The following BANP variants were observed in gnomAD, a reference collection of about 807,000 sequenced individuals.
The protein encoded by BANP is protein BANP.
A neutral mutation model predicts 68.1 loss-of-function variants in BANP; 11 were observed. That is an observed-to-expected ratio of 0.16 (90% CI 0.10 to 0.27). BANP has a LOEUF of 0.27. Ranked by LOEUF, BANP falls within the 10% of genes least tolerant of loss-of-function variation. The pLI is 1.00. For missense variants in BANP, 504 were observed against 722.7 expected, an observed-to-expected ratio of 0.70 and a Z score of 3.47; for synonymous variants, 329 against 303.2, an observed-to-expected ratio of 1.09 and a Z score of -0.88.
intron 2 of BANP, chr16:87,980,598 A>G (rs1338957771): frequency 5.0e-6 from 1 of 201,264 alleles, no homozygotes. Flanking sequence ...TGTGATATTC[A>G]GTGTATTTTT....
intron 6 of BANP, among the ~76,000 whole-genome samples, chr16:88,013,072 T>C (rs78903779): frequency 0.076 from 11,636 of 152,314 alleles, 610 homozygotes; most frequent in East Asian, 0.18. Context: ...TCTTTGAGGA[T>C]CGGCAGCTTT....
chr16:88,020,078 G>A (rs993063744), intron 7 of BANP, among the ~76,000 whole-genome samples: 7 of 152,196 alleles, frequency 4.6e-5, no homozygotes, highest in South Asian at 4.1e-4. Context: ...GAGACCACAC[G>A]TGGGGCCTCC....
At chr16:87,996,990 G>T (rs1341706459) in intron 4 of BANP, among the ~76,000 whole-genome samples, 2 of 152,218 alleles carry the variant, frequency 1.3e-5, no homozygotes, top group Non-Finnish European at 2.9e-5. Context: ...AGCAACAGGG[G>T]CCGCCATGCC....
intron 10 of BANP, 140 bp downstream of exon 10, chr16:88,035,534 C>T (rs1232409041): frequency 1.7e-5 from 13 of 743,350 alleles, no homozygotes; most frequent in Non-Finnish European, 2.9e-5. Flanking sequence ...ACTCCGCTTC[C>T]AGGGTGCACA....
chr16:88,038,421 C>T (rs1217981163), intron 11 of BANP, among the ~76,000 whole-genome samples: 1 of 152,180 alleles, frequency 6.6e-6, no homozygotes, highest in African/African-American at 2.4e-5. Flanking sequence ...TTTGCTGCTC[C>T]GTAGGATTTC....
At chr16:88,027,270 C>T (rs1476779308) in intron 7 of BANP, among the ~76,000 whole-genome samples, 1 of 152,024 alleles carries the variant, frequency 6.6e-6, no homozygotes, top group Admixed American at 6.5e-5. Flanking sequence ...CCTTAGTGAG[C>T]ATTTATATCT....
In BANP at chr16:88,029,405, C is replaced by A. The variant is rs536340542; in HGVS notation, c.1063+1755C>A. The stretch of plus-strand genomic sequence containing the variant: ...CGGGCAGATCATGAGGTCAGGAGAT[C>A]GAGACCATCCTGGCTAACACGGTGA... On this transcript the variant is annotated intron_variant, in intron 8 of 13. Coordinates refer to ENST00000682872, the MANE Select transcript of BANP (RefSeq NM_001386991.1). Among the ~76,000 whole-genome samples, 20 of 149,366 alleles carry A rather than the reference C, an allele frequency of 1.3e-4. No individual in the cohort carries two copies. In the South Asian group the frequency reaches 3.4e-3, roughly 25 times the overall value.
In BANP at chr16:88,033,052, C is replaced by G; in HGVS notation, c.1064-57C>G. ...GGGACGGGGGTGCACACATGCCACACCAGGCAATGCCTAAGAAACTTCTCG... is the reference window on the plus strand; with the variant it reads ...GGGACGGGGGTGCACACATGCCACAGCAGGCAATGCCTAAGAAACTTCTCG... On this transcript the variant is annotated intron_variant, in intron 8 of 13. Transcript: ENST00000682872. The G allele has an allele frequency of 2.0e-6, 3 of 1,514,482 alleles. No individual in the cohort carries two copies. The Admixed American group carries it at 5.8e-5, about 29-fold the overall frequency. The allele number at this position is 1,514,482 out of a possible 1,614,324, so 93.8% of individuals were successfully genotyped here.
chr16:88,035,546 A>G (rs2079130166), intron 10 of BANP, 152 bp downstream of exon 10: 2 of 684,386 alleles, frequency 2.9e-6, no homozygotes, highest in Non-Finnish European at 4.9e-6. Context: ...GGGTGCACAT[A>G]GCGGGCCTGC....
rs2152755773 is a variant in BANP, at chr16:88,036,183, T to A, written c.1272+789T>A. The stretch of plus-strand genomic sequence containing the variant: ...CACGTGTTGTACTCAGTGACCGTGG[T>A]GCGCTCTGGGGGATGAGGAACATGG... On this transcript the variant is annotated intron_variant, in intron 10 of 13. Coordinates refer to ENST00000682872, the MANE Select transcript of BANP (RefSeq NM_001386991.1). This position sits in a 1 kb window ranked among gnomAD's most constrained non-coding sequence, Gnocchi z 4.2. Among the ~76,000 whole-genome samples the A allele has an allele frequency of 6.6e-6, 1 of 152,338 alleles. No homozygotes were observed. Among genetic ancestry groups the A allele is most frequent in the East Asian group, 1.9e-4 (1 of 5,176 alleles).
intron 1 of BANP, chr16:87,966,969 C>A (rs1399689428): frequency 1.3e-5 from 2 of 152,366 alleles, no homozygotes; most frequent in Non-Finnish European, 2.9e-5. Context: ...CGCGCCAGCT[C>A]CTTCTGCCTC....
chr16:88,048,596 CAG>C (rs2082537003), intron 11 of BANP, among the ~76,000 whole-genome samples: 1 of 151,580 alleles, frequency 6.6e-6, no homozygotes, highest in Non-Finnish European at 1.5e-5. Flanking sequence ...TCGATTCTAA[CAG>C]TGTTCTCGGT....
chr16:88,040,820 C>T (rs2152778680), intron 11 of BANP, among the ~76,000 whole-genome samples: 1 of 152,348 alleles, frequency 6.6e-6, no homozygotes. Flanking sequence ...AGGAACAGCA[C>T]CCCAACCGGA....
At chr16:87,959,673 G>A (rs570166592) in intron 1 of BANP, among the ~76,000 whole-genome samples, 4 of 152,212 alleles carry the variant, frequency 2.6e-5, no homozygotes, top group South Asian at 4.1e-4. Flanking sequence ...ACAAAGAGAC[G>A]GCCAGATCGG....
At chr16:87,950,942 G>A (rs1056932757), upstream of BANP, 1 of 152,290 alleles carries the variant, frequency 6.6e-6, no homozygotes, top group Admixed American at 6.5e-5. Context: ...GACCCGCTGG[G>A]GGCGCACAGC....
chr16:87,951,562 C>A, intron 1 of BANP, 47 bp downstream of exon 1: 1 of 152,620 alleles, frequency 6.6e-6, no homozygotes, highest in South Asian at 1.8e-4. Flanking sequence ...TCCCCCTTCC[C>A]GCGGGGCGAG....
Position 88,016,904 on chromosome 16 carries a change from G to C in BANP, c.656-1524G>C, listed in dbSNP as rs1168238099. Among the ~76,000 whole-genome samples the C allele has an allele frequency of 6.6e-5, 10 of 152,190 alleles. No homozygotes were observed. In the East Asian group the frequency reaches 1.9e-3, roughly 29 times the overall value. The stretch of plus-strand genomic sequence containing the variant: ...AAATTAGAGCTGTCTTCTATCCTTA[G>C]CTACAGCCAAGAGCCCAGCCACACT... On this transcript the variant is annotated intron_variant, in intron 6 of 13. Transcript: ENST00000682872.
intron 1 of BANP, among the ~76,000 whole-genome samples, chr16:87,974,628 A>G (rs917363936): frequency 6.6e-5 from 10 of 151,948 alleles, no homozygotes; most frequent in African/African-American, 2.4e-4. Context: ...GTGGGAAGGG[A>G]TGCTTCTTTC....
intron 1 of BANP, among the ~76,000 whole-genome samples, chr16:87,972,659 C>T (rs540071855): frequency 1.3e-5 from 2 of 151,988 alleles, no homozygotes; most frequent in African/African-American, 4.8e-5. Flanking sequence ...TGGGTTCTTT[C>T]CTGTGTTGTT....
Sources: gnomAD v4.1 joint callset for allele counts (sites outside exome capture counted in the v4.1 genomes callset) on GRCh38, gnomAD v4.1.1 for gene constraint, Gnocchi (gnomAD v3.1) non-coding constraint, MANE v1.5 for transcripts, NCBI Gene and HGNC (gene_info 2026-07-23, HGNC 2026-07-21) for gene names.